Variants in CORIN observed in about 807,000 individuals in gnomAD.
CORIN encodes the protein atrial natriuretic peptide-converting enzyme.
In CORIN, 117 loss-of-function variants were observed where a neutral mutation model predicts 125.3. The ratio of observed to expected loss-of-function variants is 0.93; its 90% confidence interval spans 0.80 to 1.09. The LOEUF (loss-of-function observed/expected upper bound fraction) is 1.09, where lower values mean the gene tolerates loss of function less well. Among genes scored for constraint, CORIN ranks in the 50% least tolerant of loss-of-function variants. The probability of loss-of-function intolerance (pLI) is 0.00; values close to 1 mark genes in which losing one functional copy is unlikely to be tolerated. For synonymous variants in CORIN, 450 were observed against 466.4 expected (o/e 0.96, Z 0.45); for missense variants, 1,253 against 1,306.7 (o/e 0.96, Z 0.63).
intron 10 of CORIN, among the ~76,000 whole-genome samples, chr4:47,667,856 ATGTT>A (rs1205078809): frequency 6.6e-6 from 1 of 152,140 alleles, no homozygotes; most frequent in Non-Finnish European, 1.5e-5. Flanking sequence ...TATGGACTAA[ATGTT>A]TGTGTTCCCC....
At chr4:47,817,396 G>A (rs115601651) in intron 1 of CORIN, among the ~76,000 whole-genome samples, 8 of 152,050 alleles carry the variant, frequency 5.3e-5, no homozygotes, top group African/African-American at 1.9e-4. Context: ...CACATGGAGT[G>A]ATTATTTCTT....
At chr4:47,688,295 A>G (rs761720638) in intron 6 of CORIN, among the ~76,000 whole-genome samples, 1 of 152,004 alleles carries the variant, frequency 6.6e-6, no homozygotes, top group South Asian at 2.1e-4. Flanking sequence ...CTTGTGTTAT[A>G]CTGTTTTAAA....
intron 3 of CORIN, among the ~76,000 whole-genome samples, chr4:47,777,204 G>A (rs1479111624): frequency 6.6e-6 from 1 of 152,150 alleles, no homozygotes; most frequent in East Asian, 1.9e-4. Context: ...TTAACAAATG[G>A]TGCTTCACAG....
intron 5 of CORIN, among the ~76,000 whole-genome samples, chr4:47,712,332 G>A (rs1726883183): frequency 6.6e-6 from 1 of 152,068 alleles, no homozygotes; most frequent in Non-Finnish European, 1.5e-5. Flanking sequence ...GCCCAGCCTG[G>A]AGTTAAGTGG....
In CORIN at chr4:47,770,634, T is replaced by C. The variant is rs566025929; in HGVS notation, c.410-7048A>G. ...GATATGGACTCAATAAAAATGTCCA[T>C]CAATGGATGAATGGATAAAGAACAT... On this transcript the variant is annotated intron_variant, in intron 3 of 21. Coordinates refer to ENST00000273857, the MANE Select transcript of CORIN (RefSeq NM_006587.4). Among the ~76,000 whole-genome samples, 5 of 152,276 alleles carry C rather than the reference T, an allele frequency of 3.3e-5. No homozygotes were observed. The East Asian group carries it at 9.6e-4, about 29-fold the overall frequency.
At chr4:47,644,999 A>G in intron 14 of CORIN, 82 bp downstream of exon 14, 1 of 725,854 alleles carries the variant, frequency 1.4e-6, no homozygotes, top group East Asian at 2.5e-5. Flanking sequence ...ATATTTACAC[A>G]CTTTTAGCTT....
At chr4:47,670,901 C>T (rs1156513516) in intron 10 of CORIN, among the ~76,000 whole-genome samples, 3 of 152,204 alleles carry the variant, frequency 2.0e-5, no homozygotes, top group South Asian at 4.1e-4. Flanking sequence ...CATGGCAACA[C>T]AGGCTGCTAA....
chr4:47,793,027 CTGTTGT>C (rs892227612), intron 2 of CORIN, among the ~76,000 whole-genome samples: 6 of 149,048 alleles, frequency 4.0e-5, no homozygotes, highest in East Asian at 1.9e-4. Context: ...TTGTAGAAGC[CTGTTGT>C]TGTTGTTGTT....
At chr4:47,665,807 A>C (rs1201747636) in intron 10 of CORIN, among the ~76,000 whole-genome samples, 2 of 152,234 alleles carry the variant, frequency 1.3e-5, no homozygotes, top group Non-Finnish European at 2.9e-5. Context: ...GACAAAATCC[A>C]AACCCCTTAG....
chr4:47,670,469 A>G (rs891829419), intron 10 of CORIN, among the ~76,000 whole-genome samples: 3 of 152,338 alleles, frequency 2.0e-5, no homozygotes, highest in African/African-American at 7.2e-5. Context: ...TACCAACTGA[A>G]GCTTGCAAAG....
At chr4:47,669,031 G>A (rs1363832437) in intron 10 of CORIN, among the ~76,000 whole-genome samples, 1 of 152,084 alleles carries the variant, frequency 6.6e-6, no homozygotes, top group African/African-American at 2.4e-5. Flanking sequence ...GCCACTAGAG[G>A]GAGATCGCAT....
chr4:47,757,425 C>T (rs1729201056), intron 4 of CORIN, among the ~76,000 whole-genome samples: 1 of 151,984 alleles, frequency 6.6e-6, no homozygotes, highest in Admixed American at 6.6e-5. Flanking sequence ...GAAACCCCAT[C>T]TCCACTAAAA....
At chr4:47,743,111 T>G (rs1175889731) in intron 5 of CORIN, among the ~76,000 whole-genome samples, 1 of 151,882 alleles carries the variant, frequency 6.6e-6, no homozygotes, top group Non-Finnish European at 1.5e-5. Flanking sequence ...GATGTAAAAC[T>G]GAATGTCAAA....
chr4:47,835,985 T>G (rs959266534), intron 1 of CORIN, among the ~76,000 whole-genome samples: 2 of 152,186 alleles, frequency 1.3e-5, no homozygotes, highest in African/African-American at 4.8e-5. Flanking sequence ...GAAAGGAACT[T>G]TCTGGAAAGA....
Position 47,623,562 on chromosome 4 carries a change from G to T in CORIN, c.2540+9C>A. On this transcript the variant is annotated intron_variant, in intron 19 of 21. Coordinates refer to ENST00000273857, the MANE Select transcript of CORIN (RefSeq NM_006587.4). ...CCAGGCAAAGGAAAAAAGGAAAGGT[G>T]CAGCTTACCCCTCGAAGCAGTGGGC... 1 of 1,613,166 alleles carries T rather than the reference G, an allele frequency of 6.2e-7. No individual in the cohort carries two copies. The highest frequency in any genetic ancestry group is 1.1e-5 in the South Asian group (1 of 91,028).
rs764237099 is a variant in CORIN, at chr4:47,661,729, G to T, written c.1717C>A (p.Pro573Thr). Residue 573 changes from proline (P) to threonine (T), a missense_variant, in exon 12 of 22, where the codon CCT becomes ACT. Coordinates refer to ENST00000273857, the MANE Select transcript of CORIN (RefSeq NM_006587.4). Reference sequence around the variant, plus strand: ...AATTAACCTTCCACATATTCATCAGGCATCAGGCAGGTTTGATTGTCTGAA... The same window carrying T: ...AATTAACCTTCCACATATTCATCAGTCATCAGGCAGGTTTGATTGTCTGAA... ...ENSDNQTCLM[P>T]DEYVEECSPS... 5 of 1,612,196 alleles carry T rather than the reference G, an allele frequency of 3.1e-6. No individual in the cohort carries two copies. In the Admixed American group the frequency reaches 5.0e-5, roughly 16 times the overall value.
rs191440542 is a variant in CORIN at position 47,761,624 on chromosome 4, A to G, written c.617+1755T>C. On this transcript the variant is annotated intron_variant, in intron 4 of 21. Transcript: ENST00000273857. Reference sequence around the variant, plus strand: ...AGTGGCGTAAGTCAGGCACAGAAAGACAAATACCACAGGATCTCATTCATA... The same window carrying G: ...AGTGGCGTAAGTCAGGCACAGAAAGGCAAATACCACAGGATCTCATTCATA... Among the ~76,000 whole-genome samples the G allele has an allele frequency of 1.8e-3, 280 of 152,312 alleles. 2 individuals carry two copies. The highest frequency in any genetic ancestry group is 6.1e-3 in the African/African-American group (254 of 41,568).
chr4:47,636,491 C>G (rs1377468625), intron 16 of CORIN, among the ~76,000 whole-genome samples: 1 of 152,138 alleles, frequency 6.6e-6, no homozygotes, highest in Admixed American at 6.5e-5. Flanking sequence ...GTATCCCCAC[C>G]CAAATCTCAT....
chr4:47,799,668 C>T (rs1405535571), intron 2 of CORIN, among the ~76,000 whole-genome samples: 2 of 151,862 alleles, frequency 1.3e-5, no homozygotes, highest in Non-Finnish European at 2.9e-5. Context: ...TGGGAAAACC[C>T]CCACTTCCTA....
Sources: allele counts gnomAD v4.1 joint callset (sites outside exome capture counted in the v4.1 genomes callset), GRCh38; gene constraint gnomAD v4.1.1; transcripts MANE v1.5; gene names NCBI Gene and HGNC (gene_info 2026-07-23, HGNC 2026-07-21).